The following TAFA1 variants were observed in gnomAD, a reference collection of about 807,000 sequenced individuals.
TAFA1 encodes the protein chemokine-like protein TAFA-1.
Under a neutral mutation model 18.5 loss-of-function variants are expected in TAFA1, and 4 were observed. That is an observed-to-expected ratio of 0.22 (90% CI 0.11 to 0.49). The LOEUF (loss-of-function observed/expected upper bound fraction) is 0.49. Among genes scored for constraint, TAFA1 ranks in the 20% least tolerant of loss-of-function variants. TAFA1 has a pLI of 0.98. For synonymous variants in TAFA1, 56 were observed against 55.2 expected (o/e 1.01, Z -0.06); for missense variants, 147 against 169.0 (o/e 0.87, Z 0.72).
chr3:68,245,565 G>A (rs1236744753), intron 2 of TAFA1, among the ~76,000 whole-genome samples: 1 of 152,188 alleles, frequency 6.6e-6, no homozygotes, highest in Non-Finnish European at 1.5e-5. Context: ...GATACCATAT[G>A]TTCCTTGGAA....
intron 2 of TAFA1, among the ~76,000 whole-genome samples, chr3:68,053,692 T>A (rs1344128103): frequency 6.6e-6 from 1 of 151,972 alleles, no homozygotes; most frequent in Non-Finnish European, 1.5e-5. Context: ...CCTTGGAAAA[T>A]AATTTTAGAT....
intron 2 of TAFA1, among the ~76,000 whole-genome samples, chr3:68,073,656 T>G (rs2064784602): frequency 6.6e-6 from 1 of 152,080 alleles, no homozygotes; most frequent in South Asian, 2.1e-4. Flanking sequence ...GTATTGCATC[T>G]CTATACACAA....
intron 2 of TAFA1, among the ~76,000 whole-genome samples, chr3:68,324,461 T>C (rs773878382): frequency 3.3e-5 from 5 of 152,172 alleles, no homozygotes; most frequent in Non-Finnish European, 5.9e-5. Flanking sequence ...AATTTCTTGC[T>C]TGTAACAGAG....
At chr3:68,016,841 G>A (rs573169703) in intron 2 of TAFA1, among the ~76,000 whole-genome samples, 3 of 152,048 alleles carry the variant, frequency 2.0e-5, no homozygotes, top group Non-Finnish European at 4.4e-5. Context: ...GGTTCATAGG[G>A]CATCATTTTA....
At chr3:68,023,860 C>A (rs1256664923) in intron 2 of TAFA1, among the ~76,000 whole-genome samples, 2 of 152,094 alleles carry the variant, frequency 1.3e-5, no homozygotes. Flanking sequence ...TGAAGCAAAC[C>A]TTTGAGGCTA....
intron 2 of TAFA1, among the ~76,000 whole-genome samples, chr3:68,066,308 T>C (rs2064677507): frequency 6.6e-6 from 1 of 152,200 alleles, no homozygotes; most frequent in African/African-American, 2.4e-5. Context: ...TGAGAGCAGA[T>C]AAGTTTATCT....
intron 3 of TAFA1, among the ~76,000 whole-genome samples, chr3:68,536,103 A>T (rs1024819920): frequency 6.6e-6 from 1 of 152,196 alleles, no homozygotes; most frequent in Non-Finnish European, 1.5e-5. Flanking sequence ...TTCCTCACAT[A>T]AAAGTTCTTT....
chr3:68,511,334 A>G (rs969778003), intron 3 of TAFA1, among the ~76,000 whole-genome samples: 3 of 152,186 alleles, frequency 2.0e-5, no homozygotes, highest in African/African-American at 4.8e-5. Flanking sequence ...CGTAGTTGCC[A>G]TAAGTGTTAT....
chr3:68,411,870 TG>T (rs1399222125), intron 2 of TAFA1, among the ~76,000 whole-genome samples: 1 of 152,196 alleles, frequency 6.6e-6, no homozygotes, highest in Non-Finnish European at 1.5e-5. Flanking sequence ...TTTGACTGTC[TG>T]CTAGGTCTGT....
intron 2 of TAFA1, among the ~76,000 whole-genome samples, chr3:68,049,054 A>T (rs1250307514): frequency 1.3e-5 from 2 of 152,146 alleles, no homozygotes; most frequent in African/African-American, 4.8e-5. Flanking sequence ...CTCCATAGTG[A>T]TTGCACAAAT....
At chr3:67,995,991 C>T in the TAFA1 span, among the ~76,000 whole-genome samples, 3 of 152,328 alleles carry the variant, frequency 2.0e-5, no homozygotes, top group East Asian at 1.9e-4. Flanking sequence ...TGATTAGGCA[C>T]CTACTATGTG....
At chr3:68,110,148 C>T (rs1168078161) in intron 2 of TAFA1, among the ~76,000 whole-genome samples, 2 of 152,080 alleles carry the variant, frequency 1.3e-5, no homozygotes, top group Admixed American at 1.3e-4. Flanking sequence ...CTCCAACAGG[C>T]TCCAGTGGGT....
chr3:68,496,820 T>C (rs1053842167), intron 3 of TAFA1, among the ~76,000 whole-genome samples: 1 of 152,204 alleles, frequency 6.6e-6, no homozygotes, highest in African/African-American at 2.4e-5. Flanking sequence ...TACCATTACC[T>C]ATATCATGGG....
chr3:68,470,114 T>A (rs1300788621), intron 3 of TAFA1, among the ~76,000 whole-genome samples: 1 of 152,158 alleles, frequency 6.6e-6, no homozygotes, highest in Non-Finnish European at 1.5e-5. Flanking sequence ...TGAATAAGTC[T>A]CACAAAATAT....
intron 2 of TAFA1, among the ~76,000 whole-genome samples, chr3:68,319,760 A>C (rs2068668013): frequency 6.6e-6 from 1 of 152,230 alleles, no homozygotes; most frequent in Non-Finnish European, 1.5e-5. Context: ...TTTAAAGTTT[A>C]AAATACATGT....
intron 2 of TAFA1, among the ~76,000 whole-genome samples, chr3:68,373,333 C>A (rs968326423): frequency 2.0e-5 from 3 of 152,038 alleles, no homozygotes; most frequent in Non-Finnish European, 4.4e-5. Context: ...GAGGAAAAAA[C>A]TGAGGTTCAG....
At chr3:68,024,833 A>ACACACG (rs397978695) in intron 2 of TAFA1, among the ~76,000 whole-genome samples, 1 of 151,144 alleles carries the variant, frequency 6.6e-6, no homozygotes, top group Non-Finnish European at 1.5e-5. Context: ...ACACACACAC[A>ACACACG]ATTATACATT....
chr3:68,351,818 A>AG (rs2069275916), intron 2 of TAFA1, among the ~76,000 whole-genome samples: 1 of 151,926 alleles, frequency 6.6e-6, no homozygotes, highest in Non-Finnish European at 1.5e-5. Context: ...TCCCCAGCAG[A>AG]GAGGGGGAAG....
intron 2 of TAFA1, among the ~76,000 whole-genome samples, chr3:68,410,826 AT>A (rs1258338133): frequency 6.6e-6 from 1 of 151,870 alleles, no homozygotes; most frequent in African/African-American, 2.4e-5. Context: ...TTGAGATGAA[AT>A]TTAGAAATGG....
Sources: gnomAD v4.1 joint callset for allele counts (sites outside exome capture counted in the v4.1 genomes callset) on GRCh38, gnomAD v4.1.1 for gene constraint, MANE v1.5 for transcripts, NCBI Gene and HGNC (gene_info 2026-07-23, HGNC 2026-07-21) for gene names.